The following GPHN variants were observed in gnomAD, a reference collection of about 807,000 sequenced individuals.
GPHN encodes gephyrin.
Under a neutral mutation model 95.5 loss-of-function variants are expected in GPHN, and 17 were observed. That is an observed-to-expected ratio of 0.18 (90% CI 0.12 to 0.27). The LOEUF is 0.27. Ranked by LOEUF, GPHN falls within the 10% of genes least tolerant of loss-of-function variation. The probability of loss-of-function intolerance (pLI) is 1.00; values close to 1 mark genes in which losing one functional copy is unlikely to be tolerated. For missense variants in GPHN, 660 were observed against 978.1 expected, an observed-to-expected ratio of 0.67 and a Z score of 4.34; for synonymous variants, 320 against 322.5, an observed-to-expected ratio of 0.99 and a Z score of 0.08.
In GPHN at chr14:66,778,726, C is replaced by CTTTTT. The variant is rs759940498; in HGVS notation, c.201+2229_201+2233dup. Among the ~76,000 whole-genome samples the CTTTTT allele has an allele frequency of 5.1e-4, 30 of 59,348 alleles. 1 individual carries two copies. The highest frequency in any genetic ancestry group is 1.5e-3 in the African/African-American group (20 of 13,192). The allele number at this position is 59,348 out of a possible 152,430, so 38.9% of individuals were successfully genotyped here. On this transcript the variant is annotated intron_variant, in intron 3 of 22. Coordinates refer to ENST00000478722, the MANE Select transcript of GPHN (RefSeq NM_020806.5). ...ATTCTATGACTCAAGACTCAAGGGG[C>CTTTTT]TTTTTTTTTTTTTTTTTTTTTTTTT...
In GPHN at chr14:67,113,131, A is replaced by G. The variant is rs1085307538; in HGVS notation, c.1586A>G (p.Asn529Ser). Residue 529 changes from asparagine (N) to serine (S), a missense_variant, in exon 16 of 23, where the codon AAT becomes AGT. Transcript: ENST00000478722. ...ATVGVTEVEV[N>S]KFPVVAVMST... ...GTAGGTGTCACAGAGGTTGAAGTTA[A>G]TAAGTTTCCAGTGGTTGCAGTCATG... The G allele has an allele frequency of 6.2e-7, 1 of 1,613,998 alleles. No homozygotes were observed. The highest frequency in any genetic ancestry group is 8.5e-7 in the Non-Finnish European group (1 of 1,179,854).
the GPHN span, chr14:67,571,806 G>A: frequency 1.5e-4 from 249 of 1,613,816 alleles, 1 homozygote; most frequent in East Asian, 4.5e-5. Context: ...TGGGTCTGAC[G>A]ATGACTGCAG....
At chr14:67,308,582 G>T in the GPHN span, among the ~76,000 whole-genome samples, 57 of 124,546 alleles carry the variant, frequency 4.6e-4, no homozygotes, top group African/African-American at 1.7e-3. Flanking sequence ...GTTTCACTCT[G>T]TTGTCCAGGC....
At chr14:67,615,528 G>C in the GPHN span, 3 of 450,016 alleles carry the variant, frequency 6.7e-6, no homozygotes, top group Non-Finnish European at 1.3e-5. Flanking sequence ...AAATGCCATC[G>C]TATGTATTTT....
At chr14:67,326,275 A>G in the GPHN span, among the ~76,000 whole-genome samples, 1 of 51,394 alleles carries the variant, frequency 1.9e-5, no homozygotes, top group South Asian at 6.2e-4. Context: ...GAGATTCTAT[A>G]TGTCACCCAG....
chr14:67,151,021 A>G (rs1004596412), intron 18 of GPHN, among the ~76,000 whole-genome samples: 1 of 152,226 alleles, frequency 6.6e-6, no homozygotes, highest in African/African-American at 2.4e-5. Context: ...GGAATTTTAG[A>G]AATATTTTAT....
the GPHN span, chr14:67,338,452 C>T: frequency 4.2e-6 from 3 of 706,076 alleles, no homozygotes; most frequent in South Asian, 4.9e-5. Flanking sequence ...TAAATGGTTG[C>T]TAAATTATGA....
chr14:67,409,722 T>C, the GPHN span, among the ~76,000 whole-genome samples: 1 of 152,184 alleles, frequency 6.6e-6, no homozygotes, highest in Non-Finnish European at 1.5e-5. Flanking sequence ...GGCTTCGCTT[T>C]CACCGGTGAT....
intron 1 of GPHN, among the ~76,000 whole-genome samples, chr14:66,564,699 A>T (rs1424559284): frequency 1.3e-5 from 2 of 152,196 alleles, no homozygotes; most frequent in Non-Finnish European, 2.9e-5. Context: ...TTACAAAAAT[A>T]TCAGTGGTTC....
chr14:67,388,284 C>T, the GPHN span: 1 of 1,612,224 alleles, frequency 6.2e-7, no homozygotes, highest in Non-Finnish European at 8.5e-7. Flanking sequence ...GAAAACCCAC[C>T]CACTGGCCTG....
At chr14:67,536,535 G>A in the GPHN span, among the ~76,000 whole-genome samples, 2 of 151,888 alleles carry the variant, frequency 1.3e-5, no homozygotes, top group South Asian at 4.1e-4. Flanking sequence ...AATGCCTCCT[G>A]CATCCTCCAC....
At chr14:67,693,175 A>G in the GPHN span, 1 of 596,060 alleles carries the variant, frequency 1.7e-6, no homozygotes, top group Non-Finnish European at 2.9e-6. Flanking sequence ...TGTCCTTTTA[A>G]GGAAACAGTG....
chr14:67,143,465 C>G lies in GPHN; in HGVS notation c.1836+16C>G, dbSNP rs1321118271. ...GGGGGAAAAGGTATGAAAGATAGGG[C>G]TCGTGAAAATGTATCTGCTGTAATG... On this transcript the variant is annotated intron_variant, in intron 18 of 22. Coordinates refer to ENST00000478722, the MANE Select transcript of GPHN (RefSeq NM_020806.5). The G allele has an allele frequency of 1.4e-6, 2 of 1,456,950 alleles. No individual in the cohort carries two copies. The highest frequency in any genetic ancestry group is 2.8e-5 in the African/African-American group (2 of 71,878). The allele number at this position is 1,456,950 out of a possible 1,614,324, so 90.3% of individuals were successfully genotyped here. A position where few individuals can be genotyped will look rare whatever the true frequency, so the allele number is the denominator to read the frequency against.
chr14:67,660,582 TCTC>T, the GPHN span, among the ~76,000 whole-genome samples: 1 of 152,318 alleles, frequency 6.6e-6, no homozygotes, highest in East Asian at 1.9e-4. Flanking sequence ...GTTCTTCCCT[TCTC>T]CTGCTCCTCT....
intron 1 of GPHN, among the ~76,000 whole-genome samples, chr14:66,626,339 T>C (rs909885089): frequency 3.5e-4 from 53 of 152,164 alleles, no homozygotes; most frequent in African/African-American, 1.2e-3. Flanking sequence ...CAAATTTTGA[T>C]GTTTTATTTG....
chr14:67,675,348 C>T, the GPHN span, among the ~76,000 whole-genome samples: 7 of 152,090 alleles, frequency 4.6e-5, no homozygotes, highest in South Asian at 2.1e-4. Flanking sequence ...ACCAGAAACC[C>T]AAAATAAGAA....
At chr14:66,567,943 A>G (rs531731717) in intron 1 of GPHN, among the ~76,000 whole-genome samples, 7 of 152,340 alleles carry the variant, frequency 4.6e-5, no homozygotes, top group Admixed American at 3.9e-4. Flanking sequence ...AAAGAAAGGT[A>G]GGTAACTATG....
chr14:67,658,800 A>T, the GPHN span, among the ~76,000 whole-genome samples: 1 of 152,300 alleles, frequency 6.6e-6, no homozygotes, highest in East Asian at 1.9e-4. Context: ...CATCCATTTG[A>T]AAATTTTAAG....
the GPHN span, among the ~76,000 whole-genome samples, chr14:67,195,713 TTGTGTGTG>T: frequency 5.1e-3 from 732 of 143,286 alleles, 7 homozygotes; most frequent in African/African-American, 0.01. Flanking sequence ...TTCTTTTTGG[TTGTGTGTG>T]TGTGTGTGTG....
Sources: allele counts gnomAD v4.1 joint callset (sites outside exome capture counted in the v4.1 genomes callset), GRCh38; gene constraint gnomAD v4.1.1; transcripts MANE v1.5; gene names NCBI Gene and HGNC (gene_info 2026-07-23, HGNC 2026-07-21).